Variants in PCLO observed in about 807,000 individuals in gnomAD.
The protein encoded by PCLO is piccolo presynaptic cytomatrix protein, also known as protein piccolo.
Under a neutral mutation model 427.5 loss-of-function variants are expected in PCLO, and 82 were observed. The ratio of observed to expected loss-of-function variants is 0.19; its 90% CI spans 0.16 to 0.23. PCLO has a LOEUF of 0.23. PCLO is among the 10% of genes least tolerant of loss of function. PCLO has a pLI of 1.00. For missense variants in PCLO, 6,239 were observed against 6,115.9 expected (o/e 1.02, Z -0.67); for synonymous variants, 2,357 against 2,155.4 (o/e 1.09, Z -2.59).
chr7:83,093,768 C>A (rs1790452604), intron 3 of PCLO, among the ~76,000 whole-genome samples: 1 of 140,436 alleles, frequency 7.1e-6, no homozygotes, highest in African/African-American at 2.7e-5. Flanking sequence ...GTTGGGATTA[C>A]AGGCATAAGC....
chr7:82,785,251 G>T (rs751441070), intron 22 of PCLO, among the ~76,000 whole-genome samples: 2 of 152,038 alleles, frequency 1.3e-5, no homozygotes, highest in Admixed American at 6.6e-5. Context: ...CTCATAAGGA[G>T]CACACAACCT....
At chr7:82,966,513 A>G (rs1795778890) in intron 3 of PCLO, 26 bp from the exon 4 acceptor site, 2 of 1,380,772 alleles carry the variant, frequency 1.4e-6, no homozygotes, top group Non-Finnish European at 2.0e-6. Flanking sequence ...TACAATGAAC[A>G]GATTGAATGT....
chr7:82,985,375 T>G (rs1796234799), intron 3 of PCLO, among the ~76,000 whole-genome samples: 1 of 152,076 alleles, frequency 6.6e-6, no homozygotes, highest in African/African-American at 2.4e-5. Flanking sequence ...AAATTTGACC[T>G]GAGGCTGATT....
chr7:82,862,566 CAAAAAAA>C (rs36075501), intron 10 of PCLO, among the ~76,000 whole-genome samples: 18 of 92,220 alleles, frequency 2.0e-4, no homozygotes, highest in African/African-American at 6.6e-4. Context: ...GACTCTGCCT[CAAAAAAA>C]AAAAAAAAAA....
intron 3 of PCLO, among the ~76,000 whole-genome samples, chr7:83,127,801 G>C (rs942368991): frequency 1.3e-5 from 2 of 151,968 alleles, no homozygotes; most frequent in African/African-American, 2.4e-5. Context: ...AGGATGTTCT[G>C]ACCTAAAGTT....
intron 4 of PCLO, among the ~76,000 whole-genome samples, chr7:82,958,543 AT>A (rs1275083135): frequency 5.3e-5 from 8 of 152,112 alleles, no homozygotes; most frequent in Non-Finnish European, 8.8e-5. Flanking sequence ...GGGTAAAATG[AT>A]TTTGCTGAAT....
chr7:82,969,725 A>T (rs1795859483), intron 3 of PCLO, among the ~76,000 whole-genome samples: 1 of 152,098 alleles, frequency 6.6e-6, no homozygotes, highest in Non-Finnish European at 1.5e-5. Context: ...TGCATATGCA[A>T]AGGTTATTTC....
chr7:82,769,429 G>A (rs1583954486), intron 22 of PCLO, among the ~76,000 whole-genome samples: 1 of 152,056 alleles, frequency 6.6e-6, no homozygotes, highest in Admixed American at 6.6e-5. Flanking sequence ...ACTATTAATT[G>A]AGAAGATATT....
intron 6 of PCLO, among the ~76,000 whole-genome samples, chr7:82,943,381 A>G (rs917362144): frequency 9.9e-5 from 15 of 152,206 alleles, no homozygotes; most frequent in African/African-American, 3.6e-4. Context: ...TTTTAATTGT[A>G]GCTAATTTTT....
At chr7:83,113,557 GA>G (rs1791058321) in intron 3 of PCLO, among the ~76,000 whole-genome samples, 1 of 152,168 alleles carries the variant, frequency 6.6e-6, no homozygotes, top group Non-Finnish European at 1.5e-5. Context: ...AACCAGATAT[GA>G]AGTTGACCAA....
chr7:82,850,971 T>C (rs1337455110), intron 10 of PCLO, among the ~76,000 whole-genome samples: 3 of 152,098 alleles, frequency 2.0e-5, no homozygotes, highest in Admixed American at 1.3e-4. Context: ...CATAATATAT[T>C]ACCTAACTGT....
chr7:83,005,653 T>G (rs1787928352), intron 3 of PCLO, among the ~76,000 whole-genome samples: 1 of 151,614 alleles, frequency 6.6e-6, no homozygotes, highest in Non-Finnish European at 1.5e-5. Context: ...GTTTATCTGC[T>G]TGGCTGCAGC....
chr7:82,935,164 A>G (rs1391321645), intron 6 of PCLO, among the ~76,000 whole-genome samples: 2 of 146,500 alleles, frequency 1.4e-5, no homozygotes, highest in African/African-American at 2.5e-5. Context: ...CCATACATAG[A>G]ATGACCAGGA....
rs1789959553 is a variant in PCLO at position 83,076,633 on chromosome 7, T to A, written c.3300+57617A>T. ...GTTTAATGTTATTTTCCTTTTTTTTTTTTTTTGCAGTTTTTTTTTATTATA... is the reference window on the plus strand; with the variant it reads ...GTTTAATGTTATTTTCCTTTTTTTTATTTTTTGCAGTTTTTTTTTATTATA... On this transcript the variant is annotated intron_variant, in intron 3 of 24. Transcript: ENST00000333891. Among the ~76,000 whole-genome samples the A allele has an allele frequency of 2.1e-5, 3 of 144,176 alleles. No individual in the cohort carries two copies. The South Asian group carries it at 6.7e-4, about 32-fold the overall frequency. 94.6% of individuals were successfully genotyped at this position (144,176 alleles called of 152,430 possible).
intron 3 of PCLO, among the ~76,000 whole-genome samples, chr7:83,062,062 A>G (rs527688167): frequency 1.3e-5 from 2 of 152,222 alleles, no homozygotes; most frequent in South Asian, 2.1e-4. Flanking sequence ...AGTAGCAAAG[A>G]AAAATGTGCA....
chr7:82,998,179 G>A (rs1190773675), intron 3 of PCLO, among the ~76,000 whole-genome samples: 1 of 151,920 alleles, frequency 6.6e-6, no homozygotes, highest in Non-Finnish European at 1.5e-5. Flanking sequence ...TGGAGTCTTG[G>A]TGTGGACAAG....
chr7:83,069,680 A>T (rs183035113), intron 3 of PCLO, among the ~76,000 whole-genome samples: 1 of 152,030 alleles, frequency 6.6e-6, no homozygotes, highest in South Asian at 2.1e-4. Context: ...GGACATAGTA[A>T]GTTTTTAATA....
chr7:82,968,560 A>G (rs1795830661), intron 3 of PCLO, among the ~76,000 whole-genome samples: 1 of 127,596 alleles, frequency 7.8e-6, no homozygotes, highest in African/African-American at 3.1e-5. Context: ...TCACTTTGTC[A>G]CCAGGCTGGA....
At chr7:83,124,191 C>T (rs1195109671) in intron 3 of PCLO, among the ~76,000 whole-genome samples, 1 of 150,702 alleles carries the variant, frequency 6.6e-6, no homozygotes, top group Non-Finnish European at 1.5e-5. Flanking sequence ...GTGGCGGGCG[C>T]CTGTAGTCCC....
Sources: allele counts gnomAD v4.1 joint callset (sites outside exome capture counted in the v4.1 genomes callset), GRCh38; gene constraint gnomAD v4.1.1; transcripts MANE v1.5; gene names NCBI Gene and HGNC (gene_info 2026-07-23, HGNC 2026-07-21).